Variants in CA10 observed in about 807,000 individuals in gnomAD.
CA10 encodes the protein carbonic anhydrase-related protein 10.
In CA10, 14 loss-of-function variants were observed where a neutral mutation model predicts 44.2. The observed-to-expected ratio is 0.32, with a 90% CI of 0.21 to 0.50. The LOEUF is 0.50. Ranked by LOEUF, CA10 falls within the 20% of genes least tolerant of loss-of-function variation. The pLI is 0.99. For synonymous variants in CA10, 159 were observed against 141.6 expected (o/e 1.12, Z -0.87); for missense variants, 350 against 409.7 (o/e 0.85, Z 1.26).
intron 8 of CA10, among the ~76,000 whole-genome samples, chr17:51,632,485 G>T (rs180987271): frequency 6.6e-6 from 1 of 152,306 alleles, no homozygotes; most frequent in Admixed American, 6.5e-5. Flanking sequence ...AAGGAGTAGT[G>T]GTGGAGGCTG....
At chr17:51,868,057 AACAC>A (rs34631877) in intron 3 of CA10, among the ~76,000 whole-genome samples, 6,006 of 144,792 alleles carry the variant, frequency 0.041, 278 homozygotes, top group African/African-American at 0.12. Context: ...AAGCAGGTGT[AACAC>A]ACACACACAC....
intron 4 of CA10, among the ~76,000 whole-genome samples, chr17:51,670,499 T>G (rs572424708): frequency 6.6e-6 from 1 of 151,762 alleles, no homozygotes; most frequent in African/African-American, 2.4e-5. Context: ...TTTTTTTTTT[T>G]CCCCCTGGAA....
intron 2 of CA10, among the ~76,000 whole-genome samples, chr17:51,959,953 C>G (rs1042247568): frequency 1.3e-5 from 2 of 151,842 alleles, no homozygotes; most frequent in Non-Finnish European, 2.9e-5. Flanking sequence ...CAACTGACAT[C>G]AATCCCCAAG....
At chr17:52,130,037 A>G (rs1467259744) in intron 1 of CA10, among the ~76,000 whole-genome samples, 1 of 152,334 alleles carries the variant, frequency 6.6e-6, no homozygotes, top group Non-Finnish European at 1.5e-5. Flanking sequence ...GCTAACAGGT[A>G]TAAGAAAAAA....
intron 4 of CA10, among the ~76,000 whole-genome samples, chr17:51,733,073 GC>G (rs1916776963): frequency 1.3e-5 from 2 of 152,012 alleles, no homozygotes; most frequent in African/African-American, 2.4e-5. Context: ...TCTGTTACTT[GC>G]CCCCCAAAGC....
chr17:51,715,202 A>T (rs528326631), intron 4 of CA10, among the ~76,000 whole-genome samples: 52 of 151,724 alleles, frequency 3.4e-4, no homozygotes, highest in African/African-American at 1.2e-3. Flanking sequence ...AACATCACAC[A>T]CCAGGGACTG....
chr17:51,966,263 T>G (rs1035841851), intron 2 of CA10, among the ~76,000 whole-genome samples: 1 of 151,930 alleles, frequency 6.6e-6, no homozygotes, highest in Non-Finnish European at 1.5e-5. Flanking sequence ...GGATCAATAT[T>G]TTTAAAATGG....
At chr17:51,798,830 T>G (rs769090323) in intron 3 of CA10, among the ~76,000 whole-genome samples, 1 of 152,210 alleles carries the variant, frequency 6.6e-6, no homozygotes, top group Non-Finnish European at 1.5e-5. Flanking sequence ...TAATTAAAGT[T>G]ATGCTAGTAC....
intron 2 of CA10, among the ~76,000 whole-genome samples, chr17:51,978,168 A>G (rs1004703714): frequency 6.6e-5 from 10 of 152,136 alleles, no homozygotes; most frequent in South Asian, 2.1e-4. Context: ...ACAGAAACAA[A>G]TGGATTCTAA....
chr17:51,642,479 G>A (rs1161353073), intron 6 of CA10, among the ~76,000 whole-genome samples: 1 of 152,144 alleles, frequency 6.6e-6, no homozygotes, highest in East Asian at 1.9e-4. Flanking sequence ...GGGGTTGGGG[G>A]AAGTAAAGCA....
intron 3 of CA10, among the ~76,000 whole-genome samples, chr17:51,886,633 C>A (rs1350415194): frequency 6.6e-6 from 1 of 152,152 alleles, no homozygotes; most frequent in Non-Finnish European, 1.5e-5. Context: ...CTAACGGATG[C>A]CCAGATAACA....
chr17:51,956,815 TG>T lies in CA10; in HGVS notation c.137-25684del, dbSNP rs869177051. Among the ~76,000 whole-genome samples the T allele has an allele frequency of 3.5e-3, 533 of 150,722 alleles. 6 individuals are homozygous for T. The highest frequency in any genetic ancestry group is 6.2e-3 in the Non-Finnish European group (417 of 67,562). On this transcript the variant is annotated intron_variant, in intron 2 of 8. Coordinates refer to ENST00000451037, the MANE Select transcript of CA10 (RefSeq NM_020178.5). ...TACAAAAAAGCAGAGGCTTTTTTTTTGACCCACACCCAAAGCAGAGGGAAAT... is the reference window on the plus strand; with the variant it reads ...TACAAAAAAGCAGAGGCTTTTTTTTTACCCACACCCAAAGCAGAGGGAAAT...
At chr17:52,112,783 C>T (rs1988813913) in intron 1 of CA10, among the ~76,000 whole-genome samples, 1 of 152,188 alleles carries the variant, frequency 6.6e-6, no homozygotes, top group African/African-American at 2.4e-5. Context: ...TCCCCATACG[C>T]ATTGTTGGCT....
At position 51,653,716 on chromosome 17, in the gene CA10, G is replaced by T; in HGVS notation, c.486C>A (p.Asn162Lys). ...FSGEVQLIHY[N>K]HELYTNVTEA... ...CTGTGACATTCGTATATAGCTCATGGTTATAGTGGATGAGCTGCACCTGGC... is the reference window on the plus strand; with the variant it reads ...CTGTGACATTCGTATATAGCTCATGTTTATAGTGGATGAGCTGCACCTGGC... Residue 162 changes from asparagine (N) to lysine (K), a missense_variant, in exon 5 of 9, where the codon AAC becomes AAA. Coordinates refer to ENST00000451037, the MANE Select transcript of CA10 (RefSeq NM_020178.5). 6.2e-7 allele frequency: 1 copy of T among 1,606,360 alleles called. No homozygotes were observed.
At chr17:52,049,930 T>G (rs1257430882) in intron 2 of CA10, among the ~76,000 whole-genome samples, 2 of 152,124 alleles carry the variant, frequency 1.3e-5, no homozygotes, top group East Asian at 3.8e-4. Flanking sequence ...CTCGCCATTA[T>G]GCCACAGTTG....
chr17:51,853,063 A>G (rs546122406), intron 3 of CA10, among the ~76,000 whole-genome samples: 29 of 152,308 alleles, frequency 1.9e-4, no homozygotes, highest in African/African-American at 6.3e-4. Context: ...AACTGAAAGG[A>G]GACAAGCGGA....
intron 3 of CA10, among the ~76,000 whole-genome samples, chr17:51,880,942 A>G (rs1980335640): frequency 1.4e-5 from 1 of 73,856 alleles, no homozygotes; most frequent in Non-Finnish European, 2.6e-5. Context: ...AGTAATTAGA[A>G]AAAAGTTTTA....
At chr17:51,819,651 C>T (rs556509347) in intron 3 of CA10, among the ~76,000 whole-genome samples, 2 of 152,220 alleles carry the variant, frequency 1.3e-5, no homozygotes, top group Non-Finnish European at 2.9e-5. Flanking sequence ...AATAAAGTAA[C>T]TTTCCAGCAG....
chr17:51,802,565 G>GAAAAAAA (rs754344655), intron 3 of CA10, among the ~76,000 whole-genome samples: 1 of 90,656 alleles, frequency 1.1e-5, no homozygotes, highest in African/African-American at 4.4e-5. Flanking sequence ...CCTGATGTCT[G>GAAAAAAA]AAAAAAAAAA....
Sources: allele counts gnomAD v4.1 joint callset (sites outside exome capture counted in the v4.1 genomes callset), GRCh38; gene constraint gnomAD v4.1.1; transcripts MANE v1.5; gene names NCBI Gene and HGNC (gene_info 2026-07-23, HGNC 2026-07-21).